The following TET1 variants were observed in gnomAD, a reference collection of about 807,000 sequenced individuals.
The protein encoded by TET1 is methylcytosine dioxygenase TET1.
In TET1, 13 loss-of-function variants were observed where a neutral mutation model predicts 148.7. The ratio of observed to expected loss-of-function variants is 0.09; its 90% CI spans 0.06 to 0.14. The LOEUF is 0.14. Ranked by LOEUF, TET1 falls within the 10% of genes least tolerant of loss-of-function variation. TET1 has a pLI of 1.00. For missense variants in TET1, 2,182 were observed against 2,553.8 expected (o/e 0.85, Z 3.14); for synonymous variants, 907 against 937.2 (o/e 0.97, Z 0.59).
chr10:68,680,046 T>A (rs540692659), intron 8 of TET1, among the ~76,000 whole-genome samples: 1 of 149,844 alleles, frequency 6.7e-6, no homozygotes, highest in Admixed American at 6.7e-5. Flanking sequence ...TATGAATGGA[T>A]CCTATGGATT....
intron 3 of TET1, among the ~76,000 whole-genome samples, chr10:68,620,487 A>G (rs144014497): frequency 5.4e-3 from 821 of 152,242 alleles, no homozygotes; most frequent in Middle Eastern, 0.014. Context: ...AGCATATATC[A>G]CTACTTTTCT....
At chr10:68,622,210 C>T (rs1483200503) in intron 3 of TET1, among the ~76,000 whole-genome samples, 1 of 128,628 alleles carries the variant, frequency 7.8e-6, no homozygotes, top group Admixed American at 7.9e-5. Flanking sequence ...TCCTTCCTTC[C>T]TTCCTTCCTT....
intron 6 of TET1, among the ~76,000 whole-genome samples, chr10:68,664,338 G>A (rs960306879): frequency 6.6e-6 from 1 of 151,544 alleles, no homozygotes; most frequent in Non-Finnish European, 1.5e-5. Context: ...TATATAATGT[G>A]TATATATATA....
At chr10:68,578,558 T>C (rs539623330) in intron 2 of TET1, among the ~76,000 whole-genome samples, 1 of 152,242 alleles carries the variant, frequency 6.6e-6, no homozygotes, top group African/African-American at 2.4e-5. Context: ...TTTTGATTCT[T>C]TATAATATTT....
chr10:68,600,469 A>G (rs543167244), intron 2 of TET1, among the ~76,000 whole-genome samples: 2 of 152,184 alleles, frequency 1.3e-5, no homozygotes, highest in Non-Finnish European at 2.9e-5. Flanking sequence ...CGAGCCGCAC[A>G]GGAGATCCTT....
At chr10:68,662,157 C>T (rs1036135006) in intron 6 of TET1, among the ~76,000 whole-genome samples, 1 of 151,666 alleles carries the variant, frequency 6.6e-6, no homozygotes, top group Non-Finnish European at 1.5e-5. Context: ...CAGGCTTGAA[C>T]CACTGTGCCC....
In TET1 at chr10:68,572,580, G is replaced by A. The variant is rs761821309; in HGVS notation, c.242G>A (p.Arg81His). The change falls in exon 2 of 12, where the codon CGC becomes CAC. Residue 81 changes from arginine (R) to histidine (H), a missense_variant. Coordinates refer to ENST00000373644, the MANE Select transcript of TET1 (RefSeq NM_030625.3). The stretch of plus-strand genomic sequence containing the variant: ...CTTCTGACAAGAGCTGGAGCAGCAC[G>A]CATGAATTTGGATAGGACTGAGGTT... ...RSLLTRAGAA[R>H]MNLDRTEVLF... The A allele has an allele frequency of 1.2e-5, 20 of 1,614,136 alleles. No individual in the cohort carries two copies. The highest frequency in any genetic ancestry group is 4.4e-5 in the South Asian group (4 of 91,082).
At chr10:68,595,814 C>G (rs2053971780) in intron 2 of TET1, among the ~76,000 whole-genome samples, 1 of 145,252 alleles carries the variant, frequency 6.9e-6, no homozygotes, top group African/African-American at 2.5e-5. Flanking sequence ...GACAGGGTTT[C>G]ATCATGTTGG....
chr10:68,664,670 A>T (rs1259239029), intron 6 of TET1, among the ~76,000 whole-genome samples: 101 of 99,524 alleles, frequency 1.0e-3, no homozygotes, highest in Admixed American at 1.8e-3. Flanking sequence ...CCCAGCCTGC[A>T]TTTTTTTTTT....
intron 7 of TET1, among the ~76,000 whole-genome samples, chr10:68,668,990 A>G (rs10998376): frequency 0.025 from 3,757 of 151,652 alleles, 165 homozygotes; most frequent in African/African-American, 0.086. Context: ...AGAGAGAGAG[A>G]GAGAGAGAGA....
chr10:68,580,055 A>G (rs1018971722), intron 2 of TET1, among the ~76,000 whole-genome samples: 1 of 151,288 alleles, frequency 6.6e-6, no homozygotes, highest in Non-Finnish European at 1.5e-5. Flanking sequence ...CAGCCTACCT[A>G]GTAGCTGGGA....
intron 3 of TET1, among the ~76,000 whole-genome samples, chr10:68,611,360 C>T (rs1027842158): frequency 2.0e-5 from 3 of 151,934 alleles, no homozygotes; most frequent in African/African-American, 7.3e-5. Flanking sequence ...TCATGTAGTC[C>T]TAGCTACTCA....
intron 2 of TET1, among the ~76,000 whole-genome samples, chr10:68,595,802 G>A (rs990918991): frequency 5.5e-5 from 8 of 146,236 alleles, no homozygotes; most frequent in African/African-American, 1.3e-4. Flanking sequence ...ATATTTAGTA[G>A]AGACAGGGTT....
chr10:68,597,459 T>C (rs1340575673), intron 2 of TET1, among the ~76,000 whole-genome samples: 1 of 152,196 alleles, frequency 6.6e-6, no homozygotes, highest in East Asian at 1.9e-4. Context: ...AGAAGAGGCA[T>C]AATGTGTAAC....
At chr10:68,684,346 A>G (rs2055480085) in intron 10 of TET1, among the ~76,000 whole-genome samples, 7 of 150,232 alleles carry the variant, frequency 4.7e-5, no homozygotes, top group Admixed American at 4.6e-4. Flanking sequence ...TCAGTAGAAG[A>G]GTATTGGTGA....
intron 3 of TET1, among the ~76,000 whole-genome samples, chr10:68,626,095 AAAG>A (rs200162795): frequency 4.4e-5 from 4 of 91,894 alleles, no homozygotes; most frequent in Admixed American, 2.1e-4. Context: ...ATCTCAAAAA[AAAG>A]AAAAAAAAAA....
rs943984357 is a variant in TET1, at chr10:68,692,744, G to A, written c.*930G>A. 4 of 230,752 alleles carry A rather than the reference G, an allele frequency of 1.7e-5. No individual in the cohort carries two copies. The highest frequency in any genetic ancestry group is 8.8e-5 in the African/African-American group (4 of 45,236). 14.3% of individuals were successfully genotyped at this position (230,752 alleles called of 1,614,324 possible). A position where few individuals can be genotyped will look rare whatever the true frequency, so the allele number is the denominator to read the frequency against. On this transcript the variant is annotated 3_prime_UTR_variant, in exon 12 of 12. Coordinates refer to ENST00000373644, the MANE Select transcript of TET1 (RefSeq NM_030625.3). ...TAACATTCTCTTTGGAACTAGGTAA[G>A]AGTGGTCTCTTCTTATTGAACAACC...
At chr10:68,570,631 T>G (rs1202341190) in intron 1 of TET1, among the ~76,000 whole-genome samples, 3 of 151,272 alleles carry the variant, frequency 2.0e-5, no homozygotes, top group Non-Finnish European at 4.4e-5. Context: ...ATTTTAATTA[T>G]TTTTAATTTT....
chr10:68,652,050 T>A, intron 5 of TET1, 114 bp downstream of exon 5: 16 of 908,458 alleles, frequency 1.8e-5, no homozygotes, highest in East Asian at 2.5e-5. Context: ...GAGTATGAGT[T>A]GGATGTTTCT....
Sources: gnomAD v4.1 joint callset for allele counts (sites outside exome capture counted in the v4.1 genomes callset) on GRCh38, gnomAD v4.1.1 for gene constraint, MANE v1.5 for transcripts, NCBI Gene and HGNC (gene_info 2026-07-23, HGNC 2026-07-21) for gene names.